The following PTPRT variants were observed in gnomAD, a reference collection of about 807,000 sequenced individuals.
PTPRT encodes protein tyrosine phosphatase receptor type T.
In PTPRT, 56 loss-of-function variants were observed where a neutral mutation model predicts 176.8. The ratio of observed to expected loss-of-function variants is 0.32; its 90% CI spans 0.26 to 0.40. The LOEUF (loss-of-function observed/expected upper bound fraction) is 0.40. PTPRT is among the 10% of genes least tolerant of loss of function. The pLI is 1.00. For missense variants in PTPRT, 1,540 were observed against 1,908.2 expected, an observed-to-expected ratio of 0.81 and a Z score of 3.60; for synonymous variants, 783 against 739.0, an observed-to-expected ratio of 1.06 and a Z score of -0.96.
chr20:42,753,292 A>G (rs1419721093), intron 6 of PTPRT, among the ~76,000 whole-genome samples: 2 of 152,132 alleles, frequency 1.3e-5, no homozygotes, highest in Non-Finnish European at 1.5e-5. Context: ...CACTCATGAA[A>G]TGAGTTAAAA....
intron 7 of PTPRT, among the ~76,000 whole-genome samples, chr20:42,553,249 C>T (rs1051170443): frequency 6.6e-6 from 1 of 152,150 alleles, no homozygotes; most frequent in African/African-American, 2.4e-5. Flanking sequence ...TCTTCTTCCT[C>T]ACTATGTGCC....
At chr20:42,648,817 G>GTTTTTTTTTTTTT (rs1439201331) in intron 7 of PTPRT, among the ~76,000 whole-genome samples, 2 of 109,894 alleles carry the variant, frequency 1.8e-5, no homozygotes, top group African/African-American at 9.1e-5. Flanking sequence ...TTTTGGTGTC[G>GTTTTTTTTTTTTT]TTGTTTTTTT....
rs868026718 is a variant in PTPRT, at chr20:42,212,240, A to C, written c.2343-12852T>G. Reference sequence around the variant, plus strand: ...TGCAGTGCACCAGCATGGCACATGTATACATATGTAACATGTAACTAACCT... The same window carrying C: ...TGCAGTGCACCAGCATGGCACATGTCTACATATGTAACATGTAACTAACCT... On this transcript the variant is annotated intron_variant, in intron 15 of 30. Coordinates refer to ENST00000373187, the MANE Select transcript of PTPRT (RefSeq NM_007050.6). Among the ~76,000 whole-genome samples, 10 of 148,002 alleles carry C rather than the reference A, an allele frequency of 6.8e-5. No individual in the cohort carries two copies. The East Asian group carries it at 2.0e-3, about 30-fold the overall frequency.
In PTPRT at chr20:42,117,504, T is replaced by C. The variant is rs539033550; in HGVS notation, c.2982+899A>G. Among the ~76,000 whole-genome samples the C allele has an allele frequency of 6.3e-4, 96 of 152,194 alleles. 1 individual carries two copies. Among genetic ancestry groups the C allele is most frequent in the African/African-American group, 2.2e-3 (91 of 41,530 alleles). Reference sequence around the variant, plus strand: ...AGGACCACTTCAGAGAGAGTTGAGATGGAGCAGAGCAGGAGACCAAGATCT... The same window carrying C: ...AGGACCACTTCAGAGAGAGTTGAGACGGAGCAGAGCAGGAGACCAAGATCT... On this transcript the variant is annotated intron_variant, in intron 21 of 30. Transcript: ENST00000373187.
intron 12 of PTPRT, among the ~76,000 whole-genome samples, chr20:42,302,550 T>A (rs1176228665): frequency 6.6e-6 from 1 of 152,196 alleles, no homozygotes; most frequent in African/African-American, 2.4e-5. Context: ...CACCTCCTCA[T>A]CCCCTCTACC....
chr20:42,036,340 TTTA>T, the PTPRT span, among the ~76,000 whole-genome samples: 1 of 152,074 alleles, frequency 6.6e-6, no homozygotes, highest in Non-Finnish European at 1.5e-5. Flanking sequence ...ATAGCTAGAG[TTTA>T]TTGAGAAATT....
rs1308154466 is a variant in PTPRT at position 43,071,261 on chromosome 20, A to G, written c.88+118385T>C. 2.0e-5 allele frequency among the ~76,000 whole-genome samples: 3 copies of G among 152,100 alleles called. No individual in the cohort carries two copies. In the East Asian group the frequency reaches 5.8e-4, roughly 29 times the overall value. ...AAAATGTCGTCCCTACACTAACAAC[A>G]TTAGTATCACCTGGGGCTCGTTAGA... On this transcript the variant is annotated intron_variant, in intron 1 of 30. Coordinates refer to ENST00000373187, the MANE Select transcript of PTPRT (RefSeq NM_007050.6).
At chr20:42,298,016 G>T (rs1344124624) in intron 12 of PTPRT, among the ~76,000 whole-genome samples, 1 of 152,006 alleles carries the variant, frequency 6.6e-6, no homozygotes, top group Non-Finnish European at 1.5e-5. Flanking sequence ...GAAAAAAAAT[G>T]ATTCATCTGA....
intron 7 of PTPRT, among the ~76,000 whole-genome samples, chr20:42,521,484 C>T (rs555566876): frequency 5.1e-4 from 77 of 152,238 alleles, no homozygotes; most frequent in African/African-American, 1.8e-3. Context: ...GATCCTTTTC[C>T]AATATTCCTG....
rs771648135 is a variant in PTPRT, at chr20:42,626,685, C to T, written c.1153+51181G>A. Reference sequence around the variant, plus strand: ...CAGGGCCTGAGCCAGCTCGGAGAAACGGGCCCCCTGGGAGTAGCCACAGAG... The same window carrying T: ...CAGGGCCTGAGCCAGCTCGGAGAAATGGGCCCCCTGGGAGTAGCCACAGAG... On this transcript the variant is annotated intron_variant, in intron 7 of 30. Coordinates refer to ENST00000373187, the MANE Select transcript of PTPRT (RefSeq NM_007050.6). 3.9e-5 allele frequency among the ~76,000 whole-genome samples: 6 copies of T among 152,278 alleles called. No individual in the cohort carries two copies. The East Asian group carries it at 7.7e-4, about 20-fold the overall frequency.
intron 6 of PTPRT, among the ~76,000 whole-genome samples, chr20:42,732,321 T>C (rs1257459707): frequency 1.3e-5 from 2 of 152,238 alleles, no homozygotes; most frequent in East Asian, 1.9e-4. Context: ...TGGTCTATAG[T>C]ATATGCTTGA....
chr20:42,808,879 G>A lies in PTPRT; in HGVS notation c.215-17413C>T, dbSNP rs1336450106. Among the ~76,000 whole-genome samples the A allele has an allele frequency of 2.0e-5, 3 of 152,180 alleles. No homozygotes were observed. In the East Asian group the frequency reaches 5.8e-4, roughly 29 times the overall value. ...TCAACAAACATGGGCACACCTCAAAGTCTGCTGACTGCCCGCACCCCTGCA... is the reference window on the plus strand; with the variant it reads ...TCAACAAACATGGGCACACCTCAAAATCTGCTGACTGCCCGCACCCCTGCA... On this transcript the variant is annotated intron_variant, in intron 2 of 30. Transcript: ENST00000373187.
At chr20:43,121,666 A>G (rs1163520654) in intron 1 of PTPRT, among the ~76,000 whole-genome samples, 1 of 152,164 alleles carries the variant, frequency 6.6e-6, no homozygotes, top group Admixed American at 6.5e-5. Flanking sequence ...TTCTTTTTTT[A>G]GAGACAATTC....
At chr20:42,258,271 TC>T (rs2056684807) in intron 13 of PTPRT, among the ~76,000 whole-genome samples, 1 of 152,222 alleles carries the variant, frequency 6.6e-6, no homozygotes, top group Admixed American at 6.5e-5. Flanking sequence ...CGTATCCTAT[TC>T]TAATATCTAA....
At chr20:42,999,852 A>G (rs1984452327) in intron 1 of PTPRT, among the ~76,000 whole-genome samples, 2 of 152,020 alleles carry the variant, frequency 1.3e-5, no homozygotes, top group Non-Finnish European at 2.9e-5. Context: ...TAGAAGTCAT[A>G]TATGTTTCAG....
rs1435397909 is a variant in PTPRT at position 42,104,483 on chromosome 20, G to A, written c.3540+86C>T. 11 of 1,411,416 alleles carry A rather than the reference G, an allele frequency of 7.8e-6. No homozygotes were observed. In the Admixed American group the frequency reaches 2.2e-4, roughly 28 times the overall value. 87.4% of individuals were successfully genotyped at this position (1,411,416 alleles called of 1,614,324 possible). A position where few individuals can be genotyped will look rare whatever the true frequency, so the allele number is the denominator to read the frequency against. On this transcript the variant is annotated intron_variant, in intron 25 of 30. Transcript: ENST00000373187. ...CCAGAAATGTAATGAATAAGTGTCT[G>A]TCATTTAAACCACCCAATCTATGGA...
chr20:42,818,741 C>T (rs540041593), intron 2 of PTPRT, among the ~76,000 whole-genome samples: 31 of 152,228 alleles, frequency 2.0e-4, no homozygotes, highest in African/African-American at 7.5e-4. Flanking sequence ...AGCACGAGAA[C>T]TTTGTGAAGC....
rs574581822 is a variant in PTPRT at position 42,175,965 on chromosome 20, T to C, written c.2492-14423A>G. ...CCATCCCCATCTGAGGGTCCCATGT[T>C]ATATCCTAACAGTATCATTTTCATG... On this transcript the variant is annotated intron_variant, in intron 16 of 30. Transcript: ENST00000373187. Among the ~76,000 whole-genome samples, 3 of 152,324 alleles carry C rather than the reference T, an allele frequency of 2.0e-5. No individual in the cohort carries two copies. In the South Asian group the frequency reaches 6.2e-4, roughly 32 times the overall value.
intron 7 of PTPRT, among the ~76,000 whole-genome samples, chr20:42,484,799 C>T (rs2071440426): frequency 6.6e-6 from 1 of 152,178 alleles, no homozygotes; most frequent in Non-Finnish European, 1.5e-5. Context: ...ATGCAGGACC[C>T]CACTGCCTAA....
Sources: allele counts gnomAD v4.1 joint callset (sites outside exome capture counted in the v4.1 genomes callset), GRCh38; gene constraint gnomAD v4.1.1; transcripts MANE v1.5; gene names NCBI Gene and HGNC (gene_info 2026-07-23, HGNC 2026-07-21).